GPHN: variants seen among roughly 807,000 people sequenced by gnomAD.
GPHN encodes the protein gephyrin.
A neutral mutation model predicts 95.5 loss-of-function variants in GPHN; 17 were observed. The ratio of observed to expected loss-of-function variants is 0.18; its 90% CI spans 0.12 to 0.27. GPHN has a LOEUF of 0.27. Ranked by LOEUF, GPHN falls within the 10% of genes least tolerant of loss-of-function variation. The pLI, the probability that GPHN is intolerant of heterozygous loss-of-function variation, is 1.00. For missense variants in GPHN, 660 were observed against 978.1 expected (o/e 0.67, Z 4.34); for synonymous variants, 320 against 322.5 (o/e 0.99, Z 0.08).
chr14:67,203,325 C>A, the GPHN span: 1 of 1,517,448 alleles, frequency 6.6e-7, no homozygotes. Context: ...TTAAAGATCT[C>A]TCAGAAGATG....
the GPHN span, chr14:67,363,912 C>T: frequency 6.6e-6 from 1 of 152,262 alleles, no homozygotes; most frequent in East Asian, 1.9e-4. Flanking sequence ...TTGAGAGCTT[C>T]CTTTTTTAAA....
At chr14:67,043,476 C>A (rs1288358785) in intron 10 of GPHN, among the ~76,000 whole-genome samples, 1 of 152,150 alleles carries the variant, frequency 6.6e-6, no homozygotes, top group African/African-American at 2.4e-5. Flanking sequence ...TTTTCTGCAT[C>A]TATTAAGATA....
intron 20 of GPHN, 101 bp downstream of exon 20, chr14:67,165,327 G>T: frequency 1.3e-6 from 1 of 760,462 alleles, no homozygotes; most frequent in Admixed American, 2.0e-5. Flanking sequence ...AAAGACCTGG[G>T]CTCAAGTCTC....
At chr14:67,049,716 T>C (rs538546674) in intron 10 of GPHN, among the ~76,000 whole-genome samples, 71 of 152,294 alleles carry the variant, frequency 4.7e-4, no homozygotes, top group African/African-American at 1.6e-3. Flanking sequence ...TTTCACCATG[T>C]TGGCCAGGAT....
At chr14:67,392,551 G>A in the GPHN span, 38 of 1,221,852 alleles carry the variant, frequency 3.1e-5, no homozygotes, top group East Asian at 2.1e-4. Flanking sequence ...GGATGAAGTC[G>A]TCCCCCAAGC....
intron 12 of GPHN, among the ~76,000 whole-genome samples, chr14:67,094,345 T>C (rs1227743601): frequency 6.6e-6 from 1 of 152,196 alleles, no homozygotes; most frequent in Non-Finnish European, 1.5e-5. Context: ...TTCAGGGTCT[T>C]GCATTAAACA....
the GPHN span, chr14:67,691,186 C>A: frequency 6.2e-7 from 1 of 1,614,062 alleles, no homozygotes; most frequent in Non-Finnish European, 8.5e-7. Context: ...CTGCTGTCTT[C>A]GAGTACGGAC....
At chr14:67,241,599 C>T in the GPHN span, 1 of 149,462 alleles carries the variant, frequency 6.7e-6, no homozygotes, top group Non-Finnish European at 1.5e-5. Flanking sequence ...GGGAGCGCGG[C>T]GGGGGAGGGG....
intron 4 of GPHN, among the ~76,000 whole-genome samples, chr14:66,831,866 G>A (rs1001932162): frequency 6.6e-6 from 1 of 152,122 alleles, no homozygotes; most frequent in African/African-American, 2.4e-5. Context: ...ACCATATGAG[G>A]CCAGGTGTGG....
chr14:67,637,880 T>C, the GPHN span, among the ~76,000 whole-genome samples: 1 of 152,248 alleles, frequency 6.6e-6, no homozygotes, highest in Non-Finnish European at 1.5e-5. Flanking sequence ...AAGCTAGACC[T>C]GCATTTGCTG....
the GPHN span, chr14:67,340,517 G>A: frequency 1.3e-6 from 2 of 1,571,208 alleles, no homozygotes; most frequent in Non-Finnish European, 1.7e-6. Context: ...GGGGAATGAT[G>A]ACTAGAATAA....
At chr14:67,473,924 G>A in the GPHN span, 1 of 1,597,074 alleles carries the variant, frequency 6.3e-7, no homozygotes. This position sits in a 1 kb window ranked among gnomAD's most constrained non-coding sequence, Gnocchi z 6.5. Context: ...CAGACGCCAT[G>A]GCGCCGACTG....
chr14:66,752,191 A>G (rs896001595), intron 2 of GPHN, among the ~76,000 whole-genome samples: 7 of 152,120 alleles, frequency 4.6e-5, no homozygotes, highest in Non-Finnish European at 8.8e-5. Context: ...GCTTCTATCA[A>G]GACCACTCAG....
intron 19 of GPHN, among the ~76,000 whole-genome samples, chr14:67,160,130 T>C (rs2081885928): frequency 6.6e-6 from 1 of 152,176 alleles, no homozygotes; most frequent in African/African-American, 2.4e-5. Flanking sequence ...ACTCAGTGTA[T>C]TTGTTTGTTA....
At chr14:66,638,741 T>C (rs1427764336) in intron 1 of GPHN, among the ~76,000 whole-genome samples, 1 of 152,034 alleles carries the variant, frequency 6.6e-6, no homozygotes, top group African/African-American at 2.4e-5. Flanking sequence ...ATTCTTCTTT[T>C]CCATAATGAA....
chr14:67,557,142 C>T, the GPHN span: 3 of 678,200 alleles, frequency 4.4e-6, no homozygotes, highest in African/African-American at 1.8e-5. Flanking sequence ...CTCAGACTGC[C>T]CTGGGTAAGG....
intron 2 of GPHN, among the ~76,000 whole-genome samples, chr14:66,700,610 A>G (rs1282734744): frequency 1.3e-5 from 2 of 152,148 alleles, no homozygotes; most frequent in East Asian, 1.9e-4. Context: ...TCATCCTAGA[A>G]TAGAACAAAT....
the GPHN span, among the ~76,000 whole-genome samples, chr14:67,655,206 T>A: frequency 6.6e-6 from 1 of 151,460 alleles, no homozygotes; most frequent in Non-Finnish European, 1.5e-5. Context: ...CCAGGCACAG[T>A]AGCACATGCC....
At chr14:67,284,554 A>AC in the GPHN span, among the ~76,000 whole-genome samples, 1 of 86,230 alleles carries the variant, frequency 1.2e-5, no homozygotes, top group Non-Finnish European at 1.8e-5. Context: ...TGCTAAAAAA[A>AC]AAAAAAAAAA....
Sources: allele counts gnomAD v4.1 joint callset (sites outside exome capture counted in the v4.1 genomes callset), GRCh38; gene constraint gnomAD v4.1.1; non-coding constraint Gnocchi (gnomAD v3.1); transcripts MANE v1.5; gene names NCBI Gene and HGNC (gene_info 2026-07-23, HGNC 2026-07-21).